The following TUSC3 variants were observed in gnomAD, a reference collection of about 807,000 sequenced individuals.
The protein encoded by TUSC3 is dolichyl-diphosphooligosaccharide--protein glycosyltransferase subunit TUSC3.
TUSC3 carries 45 observed loss-of-function variants against 44.8 expected under a neutral mutation model. That is an observed-to-expected ratio of 1.00 (90% CI 0.79 to 1.29). TUSC3 has a LOEUF of 1.29. TUSC3 is among the 50% of genes most tolerant of loss of function. The pLI is 0.00. For synonymous variants in TUSC3, 212 were observed against 152.9 expected (o/e 1.39, Z -2.85); for missense variants, 519 against 437.9 (o/e 1.19, Z -1.65).
At chr8:15,830,208 C>A in the TUSC3 span, among the ~76,000 whole-genome samples, 2 of 151,904 alleles carry the variant, frequency 1.3e-5, no homozygotes, top group Non-Finnish European at 2.9e-5. Flanking sequence ...TTGTTAAATG[C>A]ATAGTTTGTA....
the TUSC3 span, among the ~76,000 whole-genome samples, chr8:15,799,929 C>T: frequency 1.3e-5 from 2 of 152,152 alleles, no homozygotes; most frequent in Non-Finnish European, 2.9e-5. Flanking sequence ...GCTCCAAGTC[C>T]CACAGGGCAA....
chr8:15,488,109 C>T (rs984450846), intron 2 of TUSC3, among the ~76,000 whole-genome samples: 6 of 152,000 alleles, frequency 3.9e-5, no homozygotes, highest in Non-Finnish European at 7.4e-5. Flanking sequence ...GAAAATGTCA[C>T]GATTCTTTGA....
intron 6 of TUSC3, among the ~76,000 whole-genome samples, chr8:15,725,666 G>C (rs1810470023): frequency 6.6e-6 from 1 of 152,016 alleles, no homozygotes; most frequent in South Asian, 2.1e-4. Context: ...TGTGTTTCAG[G>C]CATTAGGCCA....
chr8:15,706,994 T>G (rs1268945513), intron 6 of TUSC3, among the ~76,000 whole-genome samples: 1 of 151,934 alleles, frequency 6.6e-6, no homozygotes, highest in African/African-American at 2.4e-5. Context: ...AAGTCATCAT[T>G]TGTTGCTATA....
At chr8:15,585,556 C>G (rs1803562864) in intron 1 of TUSC3, among the ~76,000 whole-genome samples, 1 of 152,146 alleles carries the variant, frequency 6.6e-6, no homozygotes, top group Admixed American at 6.5e-5. Context: ...GGCTGGGCAT[C>G]TCATTTGCAT....
At chr8:15,631,566 A>C (rs995458826) in intron 2 of TUSC3, among the ~76,000 whole-genome samples, 10 of 152,136 alleles carry the variant, frequency 6.6e-5, no homozygotes, top group African/African-American at 2.4e-4. Flanking sequence ...GTATAGGTAA[A>C]AGAAATCAGT....
chr8:15,637,443 A>G (rs1402227732), intron 2 of TUSC3, among the ~76,000 whole-genome samples: 3 of 151,430 alleles, frequency 2.0e-5, no homozygotes, highest in Non-Finnish European at 4.4e-5. Flanking sequence ...TTTTATTTCT[A>G]TTTCTAGTTG....
chr8:15,724,519 A>AT (rs1268482902), intron 6 of TUSC3, among the ~76,000 whole-genome samples: 1 of 152,004 alleles, frequency 6.6e-6, no homozygotes, highest in African/African-American at 2.4e-5. Flanking sequence ...AAAATACAAG[A>AT]TTTTTTCCCT....
At chr8:15,751,055 C>G (rs1259312266) in intron 9 of TUSC3, among the ~76,000 whole-genome samples, 1 of 152,046 alleles carries the variant, frequency 6.6e-6, no homozygotes, top group African/African-American at 2.4e-5. Context: ...CCTCTGGCTG[C>G]TATAACAGCT....
intron 1 of TUSC3, among the ~76,000 whole-genome samples, chr8:15,450,293 A>G (rs1360632459): frequency 6.6e-6 from 1 of 152,242 alleles, no homozygotes; most frequent in Non-Finnish European, 1.5e-5. Flanking sequence ...TTAATAAATA[A>G]TGATTCAGAA....
intron 1 of TUSC3, 107 bp from the exon 2 acceptor site, chr8:15,622,973 T>A: frequency 9.0e-7 from 1 of 1,109,836 alleles, no homozygotes. Flanking sequence ...TCTATAAACT[T>A]GGATATCATT....
At chr8:15,595,936 T>C (rs1049753764) in intron 1 of TUSC3, among the ~76,000 whole-genome samples, 5 of 152,186 alleles carry the variant, frequency 3.3e-5, no homozygotes, top group East Asian at 1.9e-4. Flanking sequence ...ATTTGACCAA[T>C]TGAATAGTAA....
chr8:15,470,072 A>G, intron 1 of TUSC3, among the ~76,000 whole-genome samples: 1 of 151,730 alleles, frequency 6.6e-6, no homozygotes, highest in Non-Finnish European at 1.5e-5. Context: ...CCTGGGAAAC[A>G]TAGGAAAACC....
intron 1 of TUSC3, among the ~76,000 whole-genome samples, chr8:15,481,352 T>G (rs1232751370): frequency 2.6e-5 from 4 of 152,014 alleles, no homozygotes; most frequent in Admixed American, 2.6e-4. Flanking sequence ...GTGGATTCAT[T>G]ATTGAGGTAG....
chr8:15,457,803 AAAT>A (rs1800277618), intron 1 of TUSC3, among the ~76,000 whole-genome samples: 2 of 112,636 alleles, frequency 1.8e-5, no homozygotes, highest in African/African-American at 3.3e-5. Flanking sequence ...ATCTAAAATA[AAAT>A]AATTTATTAG....
At chr8:15,621,103 A>C (rs563724061) in intron 1 of TUSC3, among the ~76,000 whole-genome samples, 1 of 151,994 alleles carries the variant, frequency 6.6e-6, no homozygotes, top group Admixed American at 6.6e-5. Flanking sequence ...TCATTAGTGG[A>C]TTACCCTGCT....
intron 1 of TUSC3, among the ~76,000 whole-genome samples, chr8:15,583,506 T>C (rs1448429944): frequency 6.6e-6 from 1 of 152,200 alleles, no homozygotes; most frequent in Non-Finnish European, 1.5e-5. Flanking sequence ...ATTATAAAAA[T>C]GTGTTCTATG....
intron 2 of TUSC3, among the ~76,000 whole-genome samples, chr8:15,498,159 G>A (rs1563266742): frequency 6.6e-6 from 1 of 152,134 alleles, no homozygotes; most frequent in East Asian, 1.9e-4. Flanking sequence ...AAATTGCTGG[G>A]ATAGTTACCT....
chr8:15,523,130 A>C (rs1271058396), intron 2 of TUSC3, among the ~76,000 whole-genome samples: 1 of 152,116 alleles, frequency 6.6e-6, no homozygotes, highest in African/African-American at 2.4e-5. Flanking sequence ...TGCCGTAGGA[A>C]AGTTTCTTTC....
Sources: allele counts gnomAD v4.1 joint callset (sites outside exome capture counted in the v4.1 genomes callset), GRCh38; gene constraint gnomAD v4.1.1; transcripts MANE v1.5; gene names NCBI Gene and HGNC (gene_info 2026-07-23, HGNC 2026-07-21).